ATP5PO: variants seen among roughly 807,000 people sequenced by gnomAD.
ATP5PO encodes the protein ATP synthase peripheral stalk subunit OSCP, also known as ATP synthase peripheral stalk subunit OSCP, mitochondrial.
ATP5PO carries 14 observed loss-of-function variants against 26.2 expected under a neutral mutation model. The ratio of observed to expected loss-of-function variants is 0.53; its 90% CI spans 0.35 to 0.83. The LOEUF is 0.83. Ranked by LOEUF, ATP5PO falls within the 40% of genes least tolerant of loss-of-function variation. ATP5PO has a pLI of 0.01. For synonymous variants in ATP5PO, 106 were observed against 95.1 expected (o/e 1.12, Z -0.67); for missense variants, 241 against 258.5 (o/e 0.93, Z 0.46).
chr21:33,915,710 GGACC>G lies in ATP5PO; in HGVS notation c.36+14_36+17del. ...GGAGGGATCCTCCCACTGGCTCTCA[GGACC>G]ACCTTTCTCTCACCTGCCGGGAGAG... On this transcript the variant is annotated intron_variant, in intron 1 of 6. Transcript: ENST00000290299. 6.4e-7 allele frequency: 1 copy of G among 1,568,708 alleles called. No individual in the cohort carries two copies. The highest frequency in any genetic ancestry group is 8.6e-7 in the Non-Finnish European group (1 of 1,156,834).
At chr21:33,906,285 T>C (rs1365483506) in intron 5 of ATP5PO, among the ~76,000 whole-genome samples, 1 of 152,186 alleles carries the variant, frequency 6.6e-6, no homozygotes, top group African/African-American at 2.4e-5. Context: ...CACTCCCCTG[T>C]TTTCCTGTAG....
intron 3 of ATP5PO, among the ~76,000 whole-genome samples, chr21:33,911,284 A>C (rs1204022944): frequency 6.6e-6 from 1 of 152,224 alleles, no homozygotes; most frequent in East Asian, 1.9e-4. Context: ...TGTTTAAAAA[A>C]AAAAGTAAAA....
chr21:33,907,382 C>T lies in ATP5PO; in HGVS notation c.400G>A (p.Val134Ile). Residue 134 changes from valine to isoleucine, a missense_variant, in exon 5 of 7, where the codon GTC becomes ATC. Coordinates refer to ENST00000290299, the MANE Select transcript of ATP5PO (RefSeq NM_001697.3). ...GTGCAAGGTACCTCTCCGCGATGGACACTCATCATGGTAGAAAAGGCAGAA... is the reference window on the plus strand; with the variant it reads ...GTGCAAGGTACCTCTCCGCGATGGATACTCATCATGGTAGAAAAGGCAGAA... The part of the protein sequence containing the change: ...VVSAFSTMMS[V>I]HRGEVPCTVT... The T allele has an allele frequency of 6.2e-7, 1 of 1,613,890 alleles. No homozygotes were observed. Among genetic ancestry groups the T allele is most frequent in the Non-Finnish European group, 8.5e-7 (1 of 1,179,878 alleles).
intron 5 of ATP5PO, among the ~76,000 whole-genome samples, chr21:33,904,897 C>T (rs1157215949): frequency 6.6e-6 from 1 of 152,154 alleles, no homozygotes; most frequent in Non-Finnish European, 1.5e-5. Context: ...CATGCCATCA[C>T]ACCCGGCTAA....
At chr21:33,907,596 C>A in intron 4 of ATP5PO, 143 bp from the exon 5 acceptor site, 1 of 648,050 alleles carries the variant, frequency 1.5e-6, no homozygotes, top group Non-Finnish European at 2.7e-6. Context: ...ATCCCAACTA[C>A]TGGAGGCTGA....
At chr21:33,903,904 G>C in intron 6 of ATP5PO, 31 bp downstream of exon 6, 1 of 1,556,838 alleles carries the variant, frequency 6.4e-7, no homozygotes, top group East Asian at 2.2e-5. Context: ...AATAACCCGA[G>C]AAAACGTACC....
intron 6 of ATP5PO, 63 bp from the exon 7 acceptor site, chr21:33,903,702 T>C (rs1439918753): frequency 6.4e-7 from 1 of 1,560,268 alleles, no homozygotes; most frequent in South Asian, 1.1e-5. Context: ...CACAAAAAAG[T>C]GTTTTGAAAG....
In ATP5PO at chr21:33,907,818, C is replaced by G. The variant is rs190547309; in HGVS notation, c.329-365G>C. On this transcript the variant is annotated intron_variant, in intron 4 of 6. Coordinates refer to ENST00000290299, the MANE Select transcript of ATP5PO (RefSeq NM_001697.3). Reference sequence around the variant, plus strand: ...CCCAGCCTGGGCGACAGAGCAAGATCTTGTCTCTTAAAATCACAGTATATT... The same window carrying G: ...CCCAGCCTGGGCGACAGAGCAAGATGTTGTCTCTTAAAATCACAGTATATT... 3.0e-4 allele frequency among the ~76,000 whole-genome samples: 45 copies of G among 152,156 alleles called. No homozygotes were observed. The East Asian group carries it at 7.8e-3, about 26-fold the overall frequency.
Sources: gnomAD v4.1 joint callset for allele counts (sites outside exome capture counted in the v4.1 genomes callset) on GRCh38, gnomAD v4.1.1 for gene constraint, MANE v1.5 for transcripts, NCBI Gene and HGNC (gene_info 2026-07-23, HGNC 2026-07-21) for gene names.